The following MAX variants were observed in gnomAD, a reference collection of about 807,000 sequenced individuals.
MAX encodes the protein protein max.
In MAX, 3 loss-of-function variants were observed where a neutral mutation model predicts 22.3. The ratio of observed to expected loss-of-function variants is 0.13; its 90% CI spans 0.06 to 0.35. The LOEUF (loss-of-function observed/expected upper bound fraction) is 0.35. Ranked by LOEUF, MAX falls within the 10% of genes least tolerant of loss-of-function variation. MAX has a pLI of 1.00. For synonymous variants in MAX, 72 were observed against 77.7 expected, an observed-to-expected ratio of 0.93 and a Z score of 0.39; for missense variants, 119 against 209.4, an observed-to-expected ratio of 0.57 and a Z score of 2.66.
chr14:65,038,273 G>C (rs2062261049), intron 3 of MAX, among the ~76,000 whole-genome samples: 1 of 151,776 alleles, frequency 6.6e-6, no homozygotes, highest in Admixed American at 6.6e-5. Flanking sequence ...AGCCGGGTGT[G>C]GTGGTGGGTA....
chr14:65,031,709 T>C lies in MAX; in HGVS notation c.172-25425A>G, dbSNP rs1410873222. Among the ~76,000 whole-genome samples, 2 of 152,130 alleles carry C rather than the reference T, an allele frequency of 1.3e-5. No individual in the cohort carries two copies. Among genetic ancestry groups the C allele is most frequent in the Non-Finnish European group, 1.5e-5 (1 of 67,968 alleles). On this transcript the variant is annotated intron_variant, in intron 3 of 3. Coordinates refer to the MAX transcript ENST00000341653. This position sits in a 1 kb window ranked among gnomAD's most constrained non-coding sequence, Gnocchi z 4.6. ...GCCAAGGCAGGTGGATTGCTTGAGG[T>C]CAGGAGTTTGAAACCAGCCTAGCCA...
In MAX at chr14:65,093,982, CTAAAGGGGGA is replaced by C; in HGVS notation, c.64-177_64-168del. The C allele has an allele frequency of 1.5e-6, 1 of 676,882 alleles. No homozygotes were observed. Among genetic ancestry groups the C allele is most frequent in the South Asian group, 1.5e-5 (1 of 64,872 alleles). The allele number at this position is 676,882 out of a possible 1,614,324, so 41.9% of individuals were successfully genotyped here. ...TAGGAGTCTCCAGAATTAGGCTCTG[CTAAAGGGGGA>C]GAAAGGGGTGAGCAACGCTTGCGAC... On this transcript the variant is annotated intron_variant, in intron 2 of 4. Coordinates refer to ENST00000358664, the MANE Select transcript of MAX (RefSeq NM_002382.5). The surrounding 1 kb of genome is among the most constrained non-coding windows in gnomAD (Gnocchi z 4.4).
chr14:65,099,335 C>T (rs930782778), intron 2 of MAX, among the ~76,000 whole-genome samples: 7 of 151,964 alleles, frequency 4.6e-5, no homozygotes, highest in Admixed American at 2.6e-4. Context: ...ACTTCCTTTG[C>T]CTACCCCCAA....
intron 3 of MAX, among the ~76,000 whole-genome samples, chr14:65,020,417 G>A (rs2061862467): frequency 6.6e-6 from 1 of 151,958 alleles, no homozygotes; most frequent in African/African-American, 2.4e-5. Flanking sequence ...CCAGTCCATA[G>A]GTAGGACTTC....
Position 65,027,258 on chromosome 14 carries a change from A to T in MAX, c.172-20974T>A. The T allele has an allele frequency of 2.4e-6, 2 of 836,984 alleles. No individual in the cohort carries two copies. Among genetic ancestry groups the T allele is most frequent in the Non-Finnish European group, 3.6e-6 (2 of 554,388 alleles). The allele number at this position is 836,984 out of a possible 1,614,324, so 51.8% of individuals were successfully genotyped here. A position where few individuals can be genotyped will look rare whatever the true frequency, so the allele number is the denominator to read the frequency against. Reference sequence around the variant, plus strand: ...TTAAGTACGAAACTCAGAGGAGGGCAGACAGAAATGATGATAGCTGGAGAG... The same window carrying T: ...TTAAGTACGAAACTCAGAGGAGGGCTGACAGAAATGATGATAGCTGGAGAG... On this transcript the variant is annotated intron_variant, in intron 3 of 3. Transcript: ENST00000341653. This position sits in a 1 kb window ranked among gnomAD's most constrained non-coding sequence, Gnocchi z 5.7.
intron 3 of MAX, among the ~76,000 whole-genome samples, chr14:65,080,997 G>A (rs2063184972): frequency 6.6e-6 from 1 of 152,196 alleles, no homozygotes; most frequent in African/African-American, 2.4e-5. Context: ...GTGAGGGATG[G>A]CAGTTTCCAT....
chr14:65,066,714 C>G (rs1291189191), intron 3 of MAX, among the ~76,000 whole-genome samples: 1 of 151,594 alleles, frequency 6.6e-6, no homozygotes, highest in East Asian at 2.0e-4. Flanking sequence ...ATTAGCCGCG[C>G]ATGGTGGTGC....
chr14:65,055,278 G>A (rs1187865394), intron 3 of MAX, among the ~76,000 whole-genome samples: 2 of 152,220 alleles, frequency 1.3e-5, no homozygotes. Context: ...GGACAACCTG[G>A]AGGTGCTCTG....
At chr14:65,017,903 C>T (rs1471664037) in intron 3 of MAX, among the ~76,000 whole-genome samples, 1 of 151,962 alleles carries the variant, frequency 6.6e-6, no homozygotes, top group Non-Finnish European at 1.5e-5. Flanking sequence ...TGCAGTGAGT[C>T]GAGATTGCGC....
rs746486841 is a variant in MAX, at chr14:65,027,429, T to A, written c.172-21145A>T. Reference sequence around the variant, plus strand: ...GACATGAATGCTCTCTGACTTTGTTTTTGCCCTTTGGCTGTGTACCTAGTG... The same window carrying A: ...GACATGAATGCTCTCTGACTTTGTTATTGCCCTTTGGCTGTGTACCTAGTG... On this transcript the variant is annotated intron_variant, in intron 3 of 3. Coordinates refer to the MAX transcript ENST00000341653. This position sits in a 1 kb window ranked among gnomAD's most constrained non-coding sequence, Gnocchi z 5.7. 1 of 1,612,968 alleles carries A rather than the reference T, an allele frequency of 6.2e-7. No individual in the cohort carries two copies. Among genetic ancestry groups the A allele is most frequent in the Non-Finnish European group, 8.5e-7 (1 of 1,179,494 alleles).
In MAX at chr14:65,088,610, G is replaced by A. The variant is rs1448934871; in HGVS notation, c.171+5098C>T. 6.6e-6 allele frequency among the ~76,000 whole-genome samples: 1 copy of A among 152,196 alleles called. No homozygotes were observed. Among genetic ancestry groups the A allele is most frequent in the Non-Finnish European group, 1.5e-5 (1 of 68,038 alleles). ...ACTGTCAGCCTTAAACGCATCAACA[G>A]GAATGAGCCATCTCCCAAAATAATG... is the stretch of plus-strand genomic sequence containing the variant. On this transcript the variant is annotated intron_variant, in intron 3 of 4. Coordinates refer to ENST00000358664, the MANE Select transcript of MAX (RefSeq NM_002382.5). This position sits in a 1 kb window ranked among gnomAD's most constrained non-coding sequence, Gnocchi z 5.2.
At position 65,027,850 on chromosome 14, in the gene MAX, A is replaced by G. The variant is rs2062012080; in HGVS notation, c.172-21566T>C. The G allele has an allele frequency of 1.9e-6, 3 of 1,597,038 alleles. No individual in the cohort carries two copies. Among genetic ancestry groups the G allele is most frequent in the Admixed American group, 3.4e-5 (2 of 58,312 alleles). Reference sequence around the variant, plus strand: ...AGCTCATCTGCCATTAGAGATGCCAAGCCTAAGGAACATCATGGGGAAGCT... The same window carrying G: ...AGCTCATCTGCCATTAGAGATGCCAGGCCTAAGGAACATCATGGGGAAGCT... On this transcript the variant is annotated intron_variant, in intron 3 of 3. Coordinates refer to the MAX transcript ENST00000341653. The surrounding 1 kb of genome is among the most constrained non-coding windows in gnomAD (Gnocchi z 5.7).
intron 3 of MAX, among the ~76,000 whole-genome samples, chr14:65,087,804 T>C (rs996089817): frequency 6.6e-6 from 1 of 152,014 alleles, no homozygotes; most frequent in Non-Finnish European, 1.5e-5. Flanking sequence ...GGACATGAGA[T>C]TTGGGAGGGG....
rs80185847 is a variant in MAX at position 65,102,166 on chromosome 14, G to A, written c.36+138C>T. 33,277 of 1,485,484 alleles carry A rather than the reference G, an allele frequency of 0.022. 442 individuals carry two copies. Among genetic ancestry groups the A allele is most frequent in the Non-Finnish European group, 0.026 (28,253 of 1,093,548 alleles). 92.0% of individuals were successfully genotyped at this position (1,485,484 alleles called of 1,614,324 possible). A position where few individuals can be genotyped will look rare whatever the true frequency, so the allele number is the denominator to read the frequency against. On this transcript the variant is annotated intron_variant, in intron 1 of 4. Transcript: ENST00000358664. ...GAGGGGAGCGAACCGGGAACGCGAC[G>A]GAGGCACTCCTGGCCCCGAGGGGAA...
At chr14:65,041,472 G>T (rs1183575363) in intron 3 of MAX, among the ~76,000 whole-genome samples, 2 of 152,136 alleles carry the variant, frequency 1.3e-5, no homozygotes, top group Non-Finnish European at 2.9e-5. Context: ...GTAGTTAAAT[G>T]ATCAGTGGGT....
chr14:65,028,182 G>A lies in MAX; in HGVS notation c.172-21898C>T, dbSNP rs183641204. Among the ~76,000 whole-genome samples, 58 of 152,308 alleles carry A rather than the reference G, an allele frequency of 3.8e-4. No individual in the cohort carries two copies. The highest frequency in any genetic ancestry group is 1.3e-3 in the African/African-American group (54 of 41,562). On this transcript the variant is annotated intron_variant, in intron 3 of 3. Transcript: ENST00000341653. This position sits in a 1 kb window ranked among gnomAD's most constrained non-coding sequence, Gnocchi z 4.4. The stretch of plus-strand genomic sequence containing the variant: ...CTGAGTGAATTTGATGAAATCATGA[G>A]AATGTCTAATCCCTGAGGTCCTCCT...
At chr14:65,017,930 G>A (rs1028886526) in intron 3 of MAX, among the ~76,000 whole-genome samples, 1 of 151,976 alleles carries the variant, frequency 6.6e-6, no homozygotes, top group East Asian at 1.9e-4. Context: ...ACTCCAGTCC[G>A]GGCAACAGAG....
At chr14:65,050,849 A>T (rs2062590913) in intron 3 of MAX, among the ~76,000 whole-genome samples, 1 of 152,220 alleles carries the variant, frequency 6.6e-6, no homozygotes, top group Non-Finnish European at 1.5e-5. Context: ...TGGTCAGTCT[A>T]TTTGAAGAAA....
chr14:65,033,836 G>T (rs139388339), intron 3 of MAX, among the ~76,000 whole-genome samples: 9 of 152,238 alleles, frequency 5.9e-5, no homozygotes, highest in South Asian at 2.1e-4. Flanking sequence ...CAGCCTGGGC[G>T]ACAGGGCGAG....
Sources: gnomAD v4.1 joint callset for allele counts (sites outside exome capture counted in the v4.1 genomes callset) on GRCh38, gnomAD v4.1.1 for gene constraint, Gnocchi (gnomAD v3.1) non-coding constraint, MANE v1.5 for transcripts, NCBI Gene and HGNC (gene_info 2026-07-23, HGNC 2026-07-21) for gene names.